Variants in NFATC1 observed in about 807,000 individuals in gnomAD.
The protein encoded by NFATC1 is nuclear factor of activated T-cells, cytoplasmic 1.
In NFATC1, 22 loss-of-function variants were observed where a neutral mutation model predicts 76.0. The observed-to-expected ratio is 0.29, with a 90% confidence interval of 0.21 to 0.41. The LOEUF (loss-of-function observed/expected upper bound fraction) is 0.41. Among genes scored for constraint, NFATC1 ranks in the 10% least tolerant of loss-of-function variants. The pLI is 1.00. For synonymous variants in NFATC1, 704 were observed against 613.1 expected (o/e 1.15, Z -2.19); for missense variants, 1,357 against 1,337.7 (o/e 1.01, Z -0.23).
At position 79,421,988 on chromosome 18, in the gene NFATC1, C is replaced by A. The variant is rs1339823750; in HGVS notation, c.1226+10487C>A. 4 of 152,362 alleles carry A rather than the reference C, an allele frequency of 2.6e-5. No individual in the cohort carries two copies. In the East Asian group the frequency reaches 5.8e-4, roughly 22 times the overall value. The allele number at this position is 152,362 out of a possible 1,614,324, so 9.4% of individuals were successfully genotyped here. Reference sequence around the variant, plus strand: ...CAGGAGTCTTTGGAGAGTAACACATCCTTATTTTGAAAGATCCCTTTAGGT... The same window carrying A: ...CAGGAGTCTTTGGAGAGTAACACATACTTATTTTGAAAGATCCCTTTAGGT... On this transcript the variant is annotated intron_variant, in intron 2 of 9. Coordinates refer to ENST00000427363, the MANE Select transcript of NFATC1 (RefSeq NM_001278669.2).
In NFATC1 at chr18:79,397,489, C is replaced by T. The variant is rs555705946; in HGVS notation, c.127+1138C>T. On this transcript the variant is annotated intron_variant, in intron 1 of 9. Transcript: ENST00000427363. ...GCTGAGCACAGGGCCGTGAGCTCCA[C>T]GGAGGGGGGTCCGTGTGGTCGGTGC... Among the ~76,000 whole-genome samples, 4 of 152,280 alleles carry T rather than the reference C, an allele frequency of 2.6e-5. No homozygotes were observed. In the South Asian group the frequency reaches 8.3e-4, roughly 32 times the overall value.
chr18:79,469,638 C>T (rs1400514922), intron 8 of NFATC1: 37 of 985,686 alleles, frequency 3.8e-5, no homozygotes, highest in Non-Finnish European at 4.5e-5. Flanking sequence ...TCGGCTGCAC[C>T]CTCCACCCCC....
chr18:79,399,200 A>G (rs547951120), intron 1 of NFATC1, among the ~76,000 whole-genome samples: 60 of 152,396 alleles, frequency 3.9e-4, no homozygotes, highest in African/African-American at 1.3e-3. Flanking sequence ...CATCCATCCC[A>G]AAGTCAGAAG....
At chr18:79,471,427 C>G (rs1046662749) in intron 8 of NFATC1, among the ~76,000 whole-genome samples, 3 of 152,212 alleles carry the variant, frequency 2.0e-5, no homozygotes, top group African/African-American at 7.2e-5. Context: ...GTTACAAACT[C>G]AAAATTACCT....
intron 8 of NFATC1, chr18:79,469,317 G>T: frequency 1.0e-6 from 1 of 985,364 alleles, no homozygotes; most frequent in Non-Finnish European, 1.2e-6. Context: ...TTTCTTATTT[G>T]CTCAGCATGC....
chr18:79,411,596 C>CA, intron 2 of NFATC1, 95 bp downstream of exon 2: 1 of 1,009,990 alleles, frequency 9.9e-7, no homozygotes, highest in Non-Finnish European at 1.2e-6. Context: ...GCGGGGCGGC[C>CA]GTGTCTGGGG....
Position 79,486,696 on chromosome 18 carries a change from C to T in NFATC1, c.2541C>T (p.Pro847=). Residue 847 remains proline (P), a synonymous_variant, in exon 9 of 10, where the codon CCC becomes CCT. Transcript: ENST00000427363. ...GLEHSLCPSS[P]SPPLPPATQE... The stretch of plus-strand genomic sequence containing the variant: ...AACACTCGCTCTGCCCCAGCAGCCC[C>T]TCTCCTCCACTCCCGCCTGCCACCC... 1 of 1,599,078 alleles carries T rather than the reference C, an allele frequency of 6.3e-7. No individual in the cohort carries two copies. The highest frequency in any genetic ancestry group is 8.5e-7 in the Non-Finnish European group (1 of 1,175,290).
At chr18:79,487,700 A>C (rs1228677880) in intron 9 of NFATC1, among the ~76,000 whole-genome samples, 1 of 152,172 alleles carries the variant, frequency 6.6e-6, no homozygotes, top group African/African-American at 2.4e-5. Context: ...TTACACTTTA[A>C]GGCGCAGCCC....
At chr18:79,479,681 C>G (rs562615356) in intron 8 of NFATC1, among the ~76,000 whole-genome samples, 1 of 152,236 alleles carries the variant, frequency 6.6e-6, no homozygotes, top group Non-Finnish European at 1.5e-5. Context: ...CAGAGAACAT[C>G]CCGCTGCATC....
At chr18:79,458,460 G>T (rs1393246686) in intron 6 of NFATC1, among the ~76,000 whole-genome samples, 1 of 152,026 alleles carries the variant, frequency 6.6e-6, no homozygotes, top group Non-Finnish European at 1.5e-5. Context: ...ATCAGCACCG[G>T]CGTGGGGGTG....
intron 9 of NFATC1, chr18:79,496,309 C>T (rs2089885444): frequency 6.6e-6 from 1 of 152,468 alleles, no homozygotes; most frequent in South Asian, 2.1e-4. Context: ...GCCAGCATGT[C>T]GCACTGATGT....
intron 9 of NFATC1, among the ~76,000 whole-genome samples, chr18:79,515,157 C>T (rs910559456): frequency 2.0e-5 from 3 of 151,904 alleles, no homozygotes; most frequent in Non-Finnish European, 2.9e-5. Flanking sequence ...CCAGCGTGGC[C>T]AACATGGCGA....
intron 1 of NFATC1, among the ~76,000 whole-genome samples, chr18:79,398,928 G>T (rs912020232): frequency 2.3e-4 from 35 of 152,240 alleles, no homozygotes; most frequent in African/African-American, 7.5e-4. Context: ...TTAGCTGAGA[G>T]TGGTGGCGGG....
At chr18:79,495,155 G>A (rs117199912) in intron 9 of NFATC1, among the ~76,000 whole-genome samples, 1,537 of 152,360 alleles carry the variant, frequency 0.01, 12 homozygotes, top group Middle Eastern at 0.024. Flanking sequence ...CATCCCGTGT[G>A]GGTGCTGTTG....
intron 1 of NFATC1, chr18:79,402,313 C>A (rs764241898): frequency 9.1e-6 from 9 of 985,360 alleles, no homozygotes; most frequent in Non-Finnish European, 1.1e-5. Flanking sequence ...CTGCTGGCAT[C>A]GGATATGGGG....
chr18:79,452,688 A>G (rs772873953), intron 6 of NFATC1, among the ~76,000 whole-genome samples: 7 of 152,220 alleles, frequency 4.6e-5, no homozygotes, highest in Admixed American at 2.0e-4. Flanking sequence ...ACCCTAGCCC[A>G]GCCCTCAAGG....
At chr18:79,507,731 G>A (rs181652914) in intron 9 of NFATC1, among the ~76,000 whole-genome samples, 2 of 152,260 alleles carry the variant, frequency 1.3e-5, no homozygotes, top group Admixed American at 1.3e-4. Flanking sequence ...GAAGCCTCAC[G>A]AGTCAGTAAA....
intron 8 of NFATC1, 58 bp from the exon 9 acceptor site, chr18:79,486,190 G>A: frequency 6.6e-7 from 1 of 1,513,232 alleles, no homozygotes; most frequent in Non-Finnish European, 9.0e-7. Flanking sequence ...CCACAAGCCT[G>A]CCTGATCACA....
chr18:79,503,116 C>T (rs1333031303), intron 9 of NFATC1, among the ~76,000 whole-genome samples: 3 of 152,196 alleles, frequency 2.0e-5, no homozygotes, highest in Non-Finnish European at 2.9e-5. Flanking sequence ...TATCCTCACC[C>T]GAGTGTTATC....
Sources: gnomAD v4.1 joint callset for allele counts (sites outside exome capture counted in the v4.1 genomes callset) on GRCh38, gnomAD v4.1.1 for gene constraint, MANE v1.5 for transcripts, NCBI Gene and HGNC (gene_info 2026-07-23, HGNC 2026-07-21) for gene names.